Variants in CNOT3 observed in about 807,000 individuals in gnomAD.
CNOT3 encodes CCR4-associated factor 3.
In CNOT3, 2 loss-of-function variants were observed where a neutral mutation model predicts 89.4. The observed-to-expected ratio is 0.02, with a 90% CI of 0.01 to 0.07. The LOEUF is 0.07. CNOT3 is among the 10% of genes least tolerant of loss of function. CNOT3 has a pLI of 1.00. For missense variants in CNOT3, 664 were observed against 1,010.2 expected, an observed-to-expected ratio of 0.66 and a Z score of 4.65; for synonymous variants, 486 against 402.0, an observed-to-expected ratio of 1.21 and a Z score of -2.50.
chr19:54,143,627 G>C, intron 4 of CNOT3, 33 bp from the exon 5 acceptor site: 1 of 1,611,612 alleles, frequency 6.2e-7, no homozygotes, highest in Non-Finnish European at 8.5e-7. Context: ...CCTGGGTCCT[G>C]AGGTCTGACT....
At chr19:54,140,443 C>T (rs776319119) in intron 1 of CNOT3, among the ~76,000 whole-genome samples, 9 of 152,208 alleles carry the variant, frequency 5.9e-5, no homozygotes, top group Middle Eastern at 3.4e-3. Flanking sequence ...TGGTGGATGC[C>T]CCCCTGACTA....
At position 54,148,178 on chromosome 19, in the gene CNOT3, C is replaced by T; in HGVS notation, c.925C>T (p.His309Tyr). The T allele has an allele frequency of 1.3e-6, 2 of 1,560,062 alleles. No homozygotes were observed. The highest frequency in any genetic ancestry group is 1.7e-6 in the Non-Finnish European group (2 of 1,154,788). The change falls in exon 11 of 18, where the codon CAC (histidine) becomes TAC (tyrosine). Residue 309 changes from histidine to tyrosine, a missense_variant. This residue lies in a region of CNOT3 where 545 missense variants were observed against 566.2 expected (regional missense o/e 0.96). Transcript: ENST00000221232. This position sits in a 1 kb window ranked among gnomAD's most constrained non-coding sequence, Gnocchi z 6.3. ...AGCCAAAAACGGCTCCAAGCCTGTC[C>T]ACAGCAACCAGCACCCTCAGTCCCC... ...SPAKNGSKPV[H>Y]SNQHPQSPAV...
chr19:54,153,639 T>C, intron 16 of CNOT3, 76 bp from the exon 17 acceptor site: 1 of 1,109,450 alleles, frequency 9.0e-7, no homozygotes, highest in Non-Finnish European at 1.4e-6. Flanking sequence ...TCAGCCCTGA[T>C]GTCCTGCCCC....
At chr19:54,147,543 A>G (rs2074748767) in intron 10 of CNOT3, among the ~76,000 whole-genome samples, 2 of 152,190 alleles carry the variant, frequency 1.3e-5, no homozygotes, top group African/African-American at 4.8e-5. Flanking sequence ...GGTAAGCGCA[A>G]GGTGCCTGTG....
rs2074591655 is a variant in CNOT3 at position 54,144,806 on chromosome 19, G to GT, written c.483+476dup. Among the ~76,000 whole-genome samples the GT allele has an allele frequency of 6.6e-6, 1 of 152,118 alleles. No individual in the cohort carries two copies. Among genetic ancestry groups the GT allele is most frequent in the South Asian group, 2.1e-4 (1 of 4,828 alleles). ...ACAAAGCTGGATGTTGGGGTCCCAG[G>GT]TTCTAAAATCCGGGATTGTGGGGTA... On this transcript the variant is annotated intron_variant, in intron 7 of 17. Coordinates refer to ENST00000221232, the MANE Select transcript of CNOT3 (RefSeq NM_014516.4). This position sits in a 1 kb window ranked among gnomAD's most constrained non-coding sequence, Gnocchi z 4.8.
rs1309468752 is a variant in CNOT3 at position 54,155,255 on chromosome 19, C to G, written c.2164-54C>G. The G allele has an allele frequency of 1.9e-6, 3 of 1,602,554 alleles. No individual in the cohort carries two copies. In the East Asian group the frequency reaches 6.8e-5, roughly 36 times the overall value. ...GTCCCCTTTGTCTGTTGGTCCGGCC[C>G]AGATCCCAGACCACCTCCTCGTCCA... On this transcript the variant is annotated intron_variant, in intron 17 of 17. Coordinates refer to ENST00000221232, the MANE Select transcript of CNOT3 (RefSeq NM_014516.4).
chr19:54,143,018 TC>T lies in CNOT3; in HGVS notation c.25+17del. 1 of 1,614,042 alleles carries T rather than the reference TC, an allele frequency of 6.2e-7. No homozygotes were observed. Among genetic ancestry groups the T allele is most frequent in the Non-Finnish European group, 8.5e-7 (1 of 1,179,974 alleles). The stretch of plus-strand genomic sequence containing the variant: ...CAAACTCCAAGGTACTAGACTGACT[TC>T]CTGCTGCACCTGTAGCCACATGCTC... On this transcript the variant is annotated intron_variant, in intron 2 of 17. Transcript: ENST00000221232.
In CNOT3 at chr19:54,142,970, G is replaced by T; in HGVS notation, c.-9G>T. 6 of 1,613,902 alleles carry T rather than the reference G, an allele frequency of 3.7e-6. No individual in the cohort carries two copies. Among genetic ancestry groups the T allele is most frequent in the Non-Finnish European group, 5.1e-6 (6 of 1,179,888 alleles). On this transcript the variant is annotated 5_prime_UTR_variant, in exon 2 of 18. Coordinates refer to ENST00000221232, the MANE Select transcript of CNOT3 (RefSeq NM_014516.4). ...AGTATGAAGAGAGTGCGTCTGTAGG[G>T]CAGGGAAGATGGCGGACAAGCGCAA...
At chr19:54,139,366 T>C (rs1448225442) in intron 1 of CNOT3, among the ~76,000 whole-genome samples, 7 of 152,112 alleles carry the variant, frequency 4.6e-5, no homozygotes, top group African/African-American at 1.7e-4. Flanking sequence ...CCATCTACCC[T>C]TACGCTGGGT....
At position 54,144,220 on chromosome 19, in the gene CNOT3, T is replaced by TCCTCTC. The variant is rs1600422945; in HGVS notation, c.388-12_388-7dup. 2 of 1,613,766 alleles carry TCCTCTC rather than the reference T, an allele frequency of 1.2e-6. No homozygotes were observed. Among genetic ancestry groups the TCCTCTC allele is most frequent in the East Asian group, 2.2e-5 (1 of 44,868 alleles). ...GAACCCTAGCTGATGGGCTTCCTCTTCCTCTCCCTCCCCTAGAATACCATC... is the reference window on the plus strand; with the variant it reads ...GAACCCTAGCTGATGGGCTTCCTCTTCCTCTCCCTCTCCCTCCCCTAGAATACCATC... On this transcript the variant is annotated splice_polypyrimidine_tract_variant and intron_variant, in intron 6 of 17. Transcript: ENST00000221232. This position sits in a 1 kb window ranked among gnomAD's most constrained non-coding sequence, Gnocchi z 4.8.
At chr19:54,153,344 A>G in intron 16 of CNOT3, 1 of 760,914 alleles carries the variant, frequency 1.3e-6, no homozygotes, top group Non-Finnish European at 2.4e-6. Context: ...GCACATTCTC[A>G]GGCCTCCCTG....
At chr19:54,150,117 T>C (rs1209895674) in intron 13 of CNOT3, among the ~76,000 whole-genome samples, 1 of 152,094 alleles carries the variant, frequency 6.6e-6, no homozygotes, top group Non-Finnish European at 1.5e-5. Context: ...CTGGTGTACT[T>C]TCTGCACAAG....
rs751044052 is a variant in CNOT3 at position 54,143,546 on chromosome 19, G to T, written c.168+30G>T. 2.5e-6 allele frequency: 4 copies of T among 1,612,052 alleles called. No homozygotes were observed. The Admixed American group carries it at 5.0e-5, about 20-fold the overall frequency. On this transcript the variant is annotated intron_variant, in intron 4 of 17. Transcript: ENST00000221232. ...GGGGGCTGGGGGCCTGGACGCCTTT[G>T]TCCTGAGGGTAGAGGGAACTGGGAG...
chr19:54,144,163 A>G lies in CNOT3; in HGVS notation c.387+29A>G. 1 of 1,609,412 alleles carries G rather than the reference A, an allele frequency of 6.2e-7. No homozygotes were observed. The highest frequency in any genetic ancestry group is 1.1e-5 in the South Asian group (1 of 90,556). On this transcript the variant is annotated intron_variant, in intron 6 of 17. Coordinates refer to ENST00000221232, the MANE Select transcript of CNOT3 (RefSeq NM_014516.4). The surrounding 1 kb of genome is among the most constrained non-coding windows in gnomAD (Gnocchi z 4.8). The stretch of plus-strand genomic sequence containing the variant: ...AGTTGGGGTAGAGAAGAGGAGGTGA[A>G]CTCTGAGGATCCTGAGCCCTGGGTG...
At chr19:54,153,241 G>C (rs1236268543) in intron 16 of CNOT3, 1 of 763,230 alleles carries the variant, frequency 1.3e-6, no homozygotes, top group Admixed American at 1.7e-5. Flanking sequence ...GCACACCTCA[G>C]CCCCGCTTCC....
Position 54,155,462 on chromosome 19 carries a change from A to G in CNOT3, c.*55A>G. The G allele has an allele frequency of 8.7e-7, 1 of 1,143,618 alleles. No homozygotes were observed. Among genetic ancestry groups the G allele is most frequent in the Non-Finnish European group, 1.2e-6 (1 of 806,460 alleles). The allele number at this position is 1,143,618 out of a possible 1,614,324, so 70.8% of individuals were successfully genotyped here. On this transcript the variant is annotated 3_prime_UTR_variant, in exon 18 of 18. Transcript: ENST00000221232. ...CCCCCGCATGCTGATCCCCCTGCCCAGGTGAGGGCCCTGCCCTGGAAGACT... is the reference window on the plus strand; with the variant it reads ...CCCCCGCATGCTGATCCCCCTGCCCGGGTGAGGGCCCTGCCCTGGAAGACT...
At chr19:54,152,701 C>A in intron 15 of CNOT3, 75 bp downstream of exon 15, 1 of 1,303,446 alleles carries the variant, frequency 7.7e-7, no homozygotes, top group Non-Finnish European at 1.1e-6. Flanking sequence ...ACCTGTGAGG[C>A]TGTGGGTAGA....
At chr19:54,143,291 G>A (rs1202769726) in intron 3 of CNOT3, 105 bp downstream of exon 3, 2 of 1,151,386 alleles carry the variant, frequency 1.7e-6, no homozygotes, top group Non-Finnish European at 1.3e-6. Context: ...TACATATGCA[G>A]ATGCTGAGGA....
chr19:54,138,265 G>C (rs1399067414), intron 1 of CNOT3, among the ~76,000 whole-genome samples: 1 of 152,100 alleles, frequency 6.6e-6, no homozygotes, highest in Non-Finnish European at 1.5e-5. Flanking sequence ...CCCGCCCGCC[G>C]CCGCCTCCCC....
Sources: allele counts gnomAD v4.1 joint callset (sites outside exome capture counted in the v4.1 genomes callset), GRCh38; gene constraint gnomAD v4.1.1; regional missense constraint gnomAD v4.1.1; non-coding constraint Gnocchi (gnomAD v3.1); transcripts MANE v1.5; gene names NCBI Gene and HGNC (gene_info 2026-07-23, HGNC 2026-07-21).